Variants in EIF2B3 observed in about 807,000 individuals in gnomAD.
The protein encoded by EIF2B3 is eukaryotic translation initiation factor 2B subunit gamma, also known as translation initiation factor eIF2B subunit gamma.
EIF2B3 carries 20 observed loss-of-function variants against 54.1 expected under a neutral mutation model. That is an observed-to-expected ratio of 0.37 (90% CI 0.26 to 0.54). The LOEUF is 0.54. Ranked by LOEUF, EIF2B3 falls within the 20% of genes least tolerant of loss-of-function variation. EIF2B3 has a pLI of 0.86. For synonymous variants in EIF2B3, 153 were observed against 188.1 expected, an observed-to-expected ratio of 0.81 and a Z score of 1.52; for missense variants, 448 against 547.8, an observed-to-expected ratio of 0.82 and a Z score of 1.82.
At chr1:44,953,489 A>C (rs188025569) in intron 3 of EIF2B3, among the ~76,000 whole-genome samples, 7 of 152,264 alleles carry the variant, frequency 4.6e-5, no homozygotes, top group African/African-American at 1.7e-4. Context: ...TATTAATATC[A>C]GTTCTTGCCG....
At chr1:44,958,453 G>C in intron 3 of EIF2B3, 1 of 651,514 alleles carries the variant, frequency 1.5e-6, no homozygotes, top group Non-Finnish European at 2.6e-6. Context: ...CACTGTTCCA[G>C]TCTGGACCTC....
At chr1:44,902,409 A>G (rs996801507) in intron 5 of EIF2B3, among the ~76,000 whole-genome samples, 5 of 152,092 alleles carry the variant, frequency 3.3e-5, no homozygotes, top group Admixed American at 2.6e-4. Flanking sequence ...CTCTTAGACC[A>G]CCTGGGCCCA....
intron 4 of EIF2B3, among the ~76,000 whole-genome samples, chr1:44,936,856 C>G (rs545652809): frequency 3.0e-4 from 45 of 152,260 alleles, no homozygotes; most frequent in African/African-American, 1.1e-3. Flanking sequence ...TTTCAGGTAA[C>G]GAATGGGCCA....
intron 4 of EIF2B3, among the ~76,000 whole-genome samples, chr1:44,930,829 C>T (rs551777422): frequency 6.6e-5 from 10 of 151,260 alleles, no homozygotes; most frequent in Admixed American, 2.0e-4. Flanking sequence ...TTAGTAGAGA[C>T]GGGGTTTTGC....
rs771038751 is a variant in EIF2B3 at position 44,850,684 on chromosome 1, C to T, written c.*267G>A. The T allele has an allele frequency of 8.6e-5, 46 of 533,572 alleles. No individual in the cohort carries two copies. Among genetic ancestry groups the T allele is most frequent in the African/African-American group, 1.3e-4 (7 of 52,502 alleles). 33.1% of individuals were successfully genotyped at this position (533,572 alleles called of 1,614,324 possible). A position where few individuals can be genotyped will look rare whatever the true frequency, so the allele number is the denominator to read the frequency against. ...TTACATTGGACAGCTGCTGCCCCAC[C>T]GATACATCTTGGCACACAAGAGTTA... On this transcript the variant is annotated 3_prime_UTR_variant, in exon 12 of 12. Transcript: ENST00000360403.
intron 1 of EIF2B3, among the ~76,000 whole-genome samples, chr1:44,983,351 A>G (rs1447328150): frequency 6.6e-6 from 1 of 152,226 alleles, no homozygotes; most frequent in Non-Finnish European, 1.5e-5. Flanking sequence ...CTTTACTATA[A>G]TTATTATTAC....
intron 3 of EIF2B3, among the ~76,000 whole-genome samples, chr1:44,955,230 T>C (rs562412916): frequency 3.9e-5 from 6 of 152,266 alleles, no homozygotes; most frequent in Admixed American, 2.0e-4. Flanking sequence ...AACCATATGA[T>C]CTTTGACAAA....
intron 3 of EIF2B3, among the ~76,000 whole-genome samples, chr1:44,951,988 A>T (rs1362349326): frequency 2.6e-5 from 1 of 38,914 alleles, no homozygotes; most frequent in Non-Finnish European, 4.4e-5. Flanking sequence ...TTTGAGACGG[A>T]GTCTCGCTCT....
chr1:44,922,998 A>T (rs1408526721), intron 5 of EIF2B3, among the ~76,000 whole-genome samples: 1 of 151,596 alleles, frequency 6.6e-6, no homozygotes, highest in Non-Finnish European at 1.5e-5. Context: ...GGCACATACC[A>T]CCATGCCTGG....
intron 5 of EIF2B3, among the ~76,000 whole-genome samples, chr1:44,916,669 A>G (rs1643629920): frequency 6.6e-6 from 1 of 151,214 alleles, no homozygotes; most frequent in Non-Finnish European, 1.5e-5. Flanking sequence ...AAAAACAAAC[A>G]AAAATTAGCC....
intron 6 of EIF2B3, among the ~76,000 whole-genome samples, chr1:44,893,187 C>T (rs1655857854): frequency 6.6e-6 from 1 of 152,196 alleles, no homozygotes; most frequent in Admixed American, 6.5e-5. Context: ...CCTCAGCCTC[C>T]TGAGTAGGTG....
intron 1 of EIF2B3, among the ~76,000 whole-genome samples, chr1:44,982,803 C>T (rs1301802705): frequency 1.3e-5 from 2 of 149,342 alleles, no homozygotes; most frequent in Admixed American, 1.3e-4. Context: ...TCTCTTGTTG[C>T]CCAGGCTGAA....
intron 5 of EIF2B3, among the ~76,000 whole-genome samples, chr1:44,914,904 T>C (rs930777032): frequency 1.3e-5 from 2 of 152,146 alleles, no homozygotes; most frequent in Admixed American, 6.5e-5. Flanking sequence ...TTAGCCAGGA[T>C]GGTCTCGAAC....
chr1:44,971,372 G>GAAA (rs35558705), intron 3 of EIF2B3, among the ~76,000 whole-genome samples: 2 of 118,042 alleles, frequency 1.7e-5, no homozygotes, highest in Non-Finnish European at 1.9e-5. Context: ...TCCGTCTCCA[G>GAAA]AAAAAAAAAA....
chr1:44,910,657 T>TTTA (rs1643496231), intron 5 of EIF2B3, among the ~76,000 whole-genome samples: 5 of 73,660 alleles, frequency 6.8e-5, no homozygotes, highest in East Asian at 4.0e-4. Context: ...TTTTTTTTTT[T>TTTA]AAAAGAGAGA....
chr1:44,951,624 CT>C (rs1374361638), intron 3 of EIF2B3, among the ~76,000 whole-genome samples: 4 of 152,168 alleles, frequency 2.6e-5, no homozygotes, highest in Non-Finnish European at 5.9e-5. Flanking sequence ...GGATAGAAAA[CT>C]GGTAACAGCA....
At chr1:44,946,312 A>C (rs76216445) in intron 3 of EIF2B3, among the ~76,000 whole-genome samples, 1 of 152,190 alleles carries the variant, frequency 6.6e-6, no homozygotes. Flanking sequence ...ACTGAGACCA[A>C]ACACATCTCA....
intron 6 of EIF2B3, among the ~76,000 whole-genome samples, chr1:44,895,090 G>A (rs1569645269): frequency 6.6e-6 from 1 of 152,042 alleles, no homozygotes; most frequent in Non-Finnish European, 1.5e-5. Flanking sequence ...TGATTGTAGC[G>A]ACTCTGAGAG....
At position 44,942,977 on chromosome 1, in the gene EIF2B3, T is replaced by A. The variant is rs1569800051; in HGVS notation, c.295-1312A>T. Among the ~76,000 whole-genome samples, 4 of 152,088 alleles carry A rather than the reference T, an allele frequency of 2.6e-5. No homozygotes were observed. The East Asian group carries it at 7.7e-4, about 29-fold the overall frequency. On this transcript the variant is annotated intron_variant, in intron 3 of 11. Coordinates refer to ENST00000360403, the MANE Select transcript of EIF2B3 (RefSeq NM_020365.5). ...TTCATGCCATTCTCCTGCCTCAGCC[T>A]CCTGAGTAGCTGGGACTACAGGCGC... is the stretch of plus-strand genomic sequence containing the variant.
Sources: gnomAD v4.1 joint callset for allele counts (sites outside exome capture counted in the v4.1 genomes callset) on GRCh38, gnomAD v4.1.1 for gene constraint, MANE v1.5 for transcripts, NCBI Gene and HGNC (gene_info 2026-07-23, HGNC 2026-07-21) for gene names.